Variants in EFNB2 observed in about 807,000 individuals in gnomAD.
EFNB2 encodes the protein ephrin-B2.
In EFNB2, 5 loss-of-function variants were observed where a neutral mutation model predicts 32.1. The observed-to-expected ratio is 0.16, with a 90% confidence interval of 0.08 to 0.33. The LOEUF is 0.33. Ranked by LOEUF, EFNB2 falls within the 10% of genes least tolerant of loss-of-function variation. The pLI is 1.00. For synonymous variants in EFNB2, 168 were observed against 166.5 expected, an observed-to-expected ratio of 1.01 and a Z score of -0.07; for missense variants, 263 against 422.6, an observed-to-expected ratio of 0.62 and a Z score of 3.31.
In EFNB2 at chr13:106,535,345, G is replaced by C. The variant is rs1880042041; in HGVS notation, c.-381C>G. ...CCCGGAGCGGAGACGACCGGCGCGG[G>C]CGGCGGGCGCTGCGCCCCGAGCGGG... On this transcript the variant is annotated 5_prime_UTR_variant, in exon 1 of 5. Coordinates refer to ENST00000646441, the MANE Select transcript of EFNB2 (RefSeq NM_004093.4). 6.6e-6 allele frequency: 1 copy of C among 150,998 alleles called. No homozygotes were observed. Among genetic ancestry groups the C allele is most frequent in the African/African-American group, 2.4e-5 (1 of 41,228 alleles). The allele number at this position is 150,998 out of a possible 1,614,324, so 9.4% of individuals were successfully genotyped here. A position where few individuals can be genotyped will look rare whatever the true frequency, so the allele number is the denominator to read the frequency against.
chr13:106,496,902 G>T (rs1316130564), intron 2 of EFNB2, among the ~76,000 whole-genome samples: 1 of 152,136 alleles, frequency 6.6e-6, no homozygotes, highest in Non-Finnish European at 1.5e-5. Flanking sequence ...TTCCCCTAAA[G>T]TTCAAGGGGC....
chr13:106,495,471 ATATC>A (rs367670305), intron 3 of EFNB2, among the ~76,000 whole-genome samples: 78 of 149,452 alleles, frequency 5.2e-4, no homozygotes, highest in South Asian at 1.1e-3. Context: ...TTAAAAAGAA[ATATC>A]TATCTATCTA....
chr13:106,503,359 G>T (rs1878847125), intron 2 of EFNB2, among the ~76,000 whole-genome samples: 1 of 152,172 alleles, frequency 6.6e-6, no homozygotes, highest in Non-Finnish European at 1.5e-5. Flanking sequence ...AATATAGTGG[G>T]AACATGAGAG....
At chr13:106,500,546 G>C (rs1878741140) in intron 2 of EFNB2, among the ~76,000 whole-genome samples, 1 of 152,210 alleles carries the variant, frequency 6.6e-6, no homozygotes, top group Non-Finnish European at 1.5e-5. Flanking sequence ...CGTTGAAGAA[G>C]TCCAACAGAG....
At chr13:106,500,464 A>G (rs1878738225) in intron 2 of EFNB2, among the ~76,000 whole-genome samples, 1 of 152,248 alleles carries the variant, frequency 6.6e-6, no homozygotes, top group Non-Finnish European at 1.5e-5. Context: ...TTAAAAATGT[A>G]GCGTATTTGT....
intron 3 of EFNB2, among the ~76,000 whole-genome samples, chr13:106,495,471 A>ATATCTATCTATCTATC (rs367670305): frequency 9.4e-5 from 14 of 149,454 alleles, no homozygotes; most frequent in African/African-American, 3.0e-4. Flanking sequence ...TTAAAAAGAA[A>ATATCTATCTATCTATC]TATCTATCTA....
At chr13:106,522,308 T>C (rs1047019620) in intron 1 of EFNB2, among the ~76,000 whole-genome samples, 1 of 152,244 alleles carries the variant, frequency 6.6e-6, no homozygotes, top group African/African-American at 2.4e-5. Flanking sequence ...GTAATTTGTG[T>C]GCACCTGTAC....
rs80001902 is a variant in EFNB2, at chr13:106,522,304, T to G, written c.123-9492A>C. ...GCAGGCTTCTTTCCCAACTGTAATTTGTGTGCACCTGTACGGTCTTGTTCC... is the reference window on the plus strand; with the variant it reads ...GCAGGCTTCTTTCCCAACTGTAATTGGTGTGCACCTGTACGGTCTTGTTCC... On this transcript the variant is annotated intron_variant, in intron 1 of 4. Transcript: ENST00000646441. Among the ~76,000 whole-genome samples, 1,283 of 152,352 alleles carry G rather than the reference T, an allele frequency of 8.4e-3. 15 individuals carry two copies. The highest frequency in any genetic ancestry group is 0.029 in the African/African-American group (1,225 of 41,586).
At position 106,512,806 on chromosome 13, in the gene EFNB2, T is replaced by C. The variant is rs749791755; in HGVS notation, c.129A>G (p.Leu43=). The change falls in exon 2 of 5, where the codon CTA becomes CTG. Residue 43 remains leucine (L), a synonymous_variant. Coordinates refer to ENST00000646441, the MANE Select transcript of EFNB2 (RefSeq NM_004093.4). ...IYWNSSNSKF[L]PGQGLVLYPQ... ...GGTATAGTACCAGTCCTTGTCCAGG[T>C]AGAAATCTAAAAGCATAAGAAAAAA... 3.9e-6 allele frequency: 6 copies of C among 1,557,710 alleles called. No individual in the cohort carries two copies. The highest frequency in any genetic ancestry group is 1.9e-5 in the Admixed American group (1 of 53,974).
intron 1 of EFNB2, among the ~76,000 whole-genome samples, chr13:106,513,149 A>T (rs1316299572): frequency 6.6e-6 from 1 of 152,114 alleles, no homozygotes; most frequent in African/African-American, 2.4e-5. Context: ...GGTGAGTCAG[A>T]TCTCCCACAT....
chr13:106,532,216 G>A (rs895511316), intron 1 of EFNB2, among the ~76,000 whole-genome samples: 6 of 152,144 alleles, frequency 3.9e-5, no homozygotes, highest in Admixed American at 3.9e-4. Flanking sequence ...AGTCAGGGAC[G>A]GGAGAGCCGA....
chr13:106,499,044 C>A (rs1161164352), intron 2 of EFNB2, among the ~76,000 whole-genome samples: 1 of 152,054 alleles, frequency 6.6e-6, no homozygotes, highest in African/African-American at 2.4e-5. Flanking sequence ...ATCTAAGGTG[C>A]CATGAACTGT....
intron 1 of EFNB2, among the ~76,000 whole-genome samples, chr13:106,524,598 C>A (rs1226809575): frequency 6.6e-6 from 1 of 152,204 alleles, no homozygotes; most frequent in Non-Finnish European, 1.5e-5. Context: ...CAACGTCCAC[C>A]AGTTAAGCAG....
At chr13:106,503,470 G>A (rs1025643876) in intron 2 of EFNB2, among the ~76,000 whole-genome samples, 1 of 152,148 alleles carries the variant, frequency 6.6e-6, no homozygotes, top group African/African-American at 2.4e-5. Flanking sequence ...CCAATGTGGA[G>A]AGTCATTCCT....
intron 2 of EFNB2, among the ~76,000 whole-genome samples, chr13:106,505,077 G>A (rs1034298459): frequency 3.9e-5 from 6 of 152,088 alleles, no homozygotes; most frequent in Admixed American, 3.9e-4. Flanking sequence ...GTTCAACTTT[G>A]GGGGCAGATG....
intron 1 of EFNB2, chr13:106,516,464 C>A (rs557697409): frequency 2.0e-5 from 3 of 152,290 alleles, no homozygotes; most frequent in African/African-American, 4.8e-5. Context: ...TTCAGCATGA[C>A]GCATGGACCT....
intron 2 of EFNB2, among the ~76,000 whole-genome samples, chr13:106,503,137 G>A (rs1878838857): frequency 6.6e-6 from 1 of 151,462 alleles, no homozygotes; most frequent in African/African-American, 2.4e-5. Context: ...TTGGTGTCTT[G>A]ATTTTTAATA....
rs1161997929 is a variant in EFNB2, at chr13:106,491,934, A to G, written c.*1106T>C. On this transcript the variant is annotated 3_prime_UTR_variant, in exon 5 of 5. Transcript: ENST00000646441. ...AGCAGCTGAGTCTGCTTAAAAAATC[A>G]TCCAAAGCAGACCGACTCTCCTACA... 6.6e-6 allele frequency: 1 copy of G among 152,628 alleles called. No homozygotes were observed. Among genetic ancestry groups the G allele is most frequent in the Non-Finnish European group, 1.5e-5 (1 of 68,036 alleles). 9.5% of individuals were successfully genotyped at this position (152,628 alleles called of 1,614,324 possible).
chr13:106,514,559 G>A (rs757004868), intron 1 of EFNB2, among the ~76,000 whole-genome samples: 6 of 152,100 alleles, frequency 3.9e-5, no homozygotes, highest in African/African-American at 9.7e-5. Context: ...GCAAGATGCC[G>A]GGCAGTAAGT....
Sources: gnomAD v4.1 joint callset for allele counts (sites outside exome capture counted in the v4.1 genomes callset) on GRCh38, gnomAD v4.1.1 for gene constraint, MANE v1.5 for transcripts, NCBI Gene and HGNC (gene_info 2026-07-23, HGNC 2026-07-21) for gene names.